The following GAB3 variants were observed in gnomAD, a reference collection of about 807,000 sequenced individuals.
GAB3 encodes GRB2 associated binding protein 3, also known as GRB2-associated-binding protein 3.
Under a neutral mutation model 40.4 loss-of-function variants are expected in GAB3, and 12 were observed. That is an observed-to-expected ratio of 0.30 (90% confidence interval 0.19 to 0.48). The LOEUF (loss-of-function observed/expected upper bound fraction) is 0.48, where lower values mean the gene tolerates loss of function less well. Ranked by LOEUF, GAB3 falls within the 20% of genes least tolerant of loss-of-function variation. GAB3 has a pLI of 0.99. For missense variants in GAB3, 381 were observed against 461.9 expected, an observed-to-expected ratio of 0.82 and a Z score of 1.61; for synonymous variants, 154 against 176.7, an observed-to-expected ratio of 0.87 and a Z score of 1.02.
chrX:154,693,789 T>C (rs929158616), intron 8 of GAB3, among the ~76,000 whole-genome samples: 7 of 111,995 alleles, frequency 6.3e-5, no homozygotes, highest in Non-Finnish European at 1.3e-4. Flanking sequence ...AAAAAATTAA[T>C]GTGAGATTTA....
At chrX:154,713,556 C>A in intron 2 of GAB3, 130 bp from the exon 3 acceptor site, 1 of 492,791 alleles carries the variant, frequency 2.0e-6, no homozygotes, top group Non-Finnish European at 3.4e-6. Context: ...ATGGAGAAGA[C>A]CATTTCCCCA....
intron 1 of GAB3, among the ~76,000 whole-genome samples, chrX:154,748,120 C>T (rs1557262270): frequency 1.8e-5 from 2 of 111,625 alleles, no homozygotes; most frequent in African/African-American, 6.5e-5. Context: ...AAAATAGATG[C>T]AAGCCAAATG....
At chrX:154,740,760 G>T (rs1416835614) in intron 1 of GAB3, among the ~76,000 whole-genome samples, 4 of 112,061 alleles carry the variant, frequency 3.6e-5, no homozygotes, top group Non-Finnish European at 7.5e-5. Context: ...TAACAGGAAA[G>T]AATTAAAGTA....
chrX:154,751,448 G>A, upstream of GAB3: 1 of 687,610 alleles, frequency 1.5e-6, no homozygotes, highest in Non-Finnish European at 1.7e-6. Flanking sequence ...AAACGGGCTG[G>A]TCCCTGGGTC....
chrX:154,719,011 A>G (rs1322940721), intron 1 of GAB3, among the ~76,000 whole-genome samples: 2 of 111,850 alleles, frequency 1.8e-5, no homozygotes, highest in African/African-American at 6.5e-5. Context: ...TGAAGCTAGA[A>G]AAGGGGATTA....
At chrX:154,715,734 T>C (rs1176643509) in intron 2 of GAB3, among the ~76,000 whole-genome samples, 1 of 112,065 alleles carries the variant, frequency 8.9e-6, no homozygotes, top group African/African-American at 3.2e-5. Context: ...GACATCCTCA[T>C]CCACATTTGA....
chrX:154,742,818 G>A (rs1272305426), intron 1 of GAB3, among the ~76,000 whole-genome samples: 1 of 110,115 alleles, frequency 9.1e-6, no homozygotes, highest in Non-Finnish European at 1.9e-5. Context: ...GTTGCTGCCT[G>A]GGGCTAGAGA....
chrX:154,730,121 T>G (rs781812967), intron 1 of GAB3, among the ~76,000 whole-genome samples: 1 of 112,525 alleles, frequency 8.9e-6, no homozygotes, highest in African/African-American at 3.2e-5. Context: ...CTGTCAAAGT[T>G]ATTTCCTCTG....
At chrX:154,696,629 C>T (rs893655717) in intron 7 of GAB3, among the ~76,000 whole-genome samples, 5 of 112,259 alleles carry the variant, frequency 4.5e-5, no homozygotes, top group Admixed American at 1.9e-4. Context: ...CTACCCAGCC[C>T]GTGAACCTGG....
intron 5 of GAB3, 102 bp from the exon 6 acceptor site, chrX:154,699,615 C>T: frequency 1.5e-6 from 1 of 650,385 alleles, no homozygotes; most frequent in Admixed American, 3.6e-5. Flanking sequence ...CCAAATTATC[C>T]AAGTATAACT....
At chrX:154,688,223 G>A (rs965264532) in intron 8 of GAB3, among the ~76,000 whole-genome samples, 9 of 110,913 alleles carry the variant, frequency 8.1e-5, no homozygotes, top group Non-Finnish European at 1.1e-4. Flanking sequence ...CTCCAGATAC[G>A]GAGAAAATAT....
chrX:154,749,717 T>A lies in GAB3; in HGVS notation c.72+1237A>T, dbSNP rs918103654. Among the ~76,000 whole-genome samples the A allele has an allele frequency of 4.3e-4, 48 of 112,269 alleles. 1 individual carries two copies. The Admixed American group carries it at 4.5e-3, about 11-fold the overall frequency. On this transcript the variant is annotated intron_variant, in intron 1 of 9. Coordinates refer to ENST00000424127, the MANE Select transcript of GAB3 (RefSeq NM_001081573.3). ...TTCTGCAGAACAAACAACAAAAATCTTTTCAAAGACCCCTAAGAGAGAAAC... is the reference window on the plus strand; with the variant it reads ...TTCTGCAGAACAAACAACAAAAATCATTTCAAAGACCCCTAAGAGAGAAAC...
At chrX:154,737,819 G>A (rs1022937655) in intron 1 of GAB3, among the ~76,000 whole-genome samples, 3 of 111,206 alleles carry the variant, frequency 2.7e-5, no homozygotes, top group African/African-American at 6.6e-5. Flanking sequence ...GTGAAGCCCC[G>A]TCTCTACTAA....
At chrX:154,732,380 G>A (rs2071304269) in intron 1 of GAB3, among the ~76,000 whole-genome samples, 1 of 111,849 alleles carries the variant, frequency 8.9e-6, no homozygotes, top group Non-Finnish European at 1.9e-5. Flanking sequence ...ACTGAAGAAA[G>A]TCTTTCTCAA....
chrX:154,709,059 G>C (rs2070865549), intron 4 of GAB3, among the ~76,000 whole-genome samples: 1 of 110,895 alleles, frequency 9.0e-6, no homozygotes, highest in Non-Finnish European at 1.9e-5. Flanking sequence ...GTTTCTAATG[G>C]TTCAGCACCA....
At chrX:154,725,923 AAAG>A (rs2071206167) in intron 1 of GAB3, among the ~76,000 whole-genome samples, 1 of 111,761 alleles carries the variant, frequency 8.9e-6, no homozygotes, top group South Asian at 3.7e-4. Flanking sequence ...GAAAGCTTAA[AAAG>A]AAGGCTTGGA....
chrX:154,685,801 C>T (rs2070440640), intron 8 of GAB3, among the ~76,000 whole-genome samples: 1 of 111,435 alleles, frequency 9.0e-6, no homozygotes, highest in South Asian at 3.7e-4. Flanking sequence ...ATGGCACTGC[C>T]GAATTGTCAG....
chrX:154,722,623 G>C (rs1281165847), intron 1 of GAB3, among the ~76,000 whole-genome samples: 5 of 111,982 alleles, frequency 4.5e-5, no homozygotes, highest in African/African-American at 1.6e-4. Flanking sequence ...AGGGACAGAG[G>C]AGATATCTAT....
At position 154,723,332 on chromosome X, in the gene GAB3, C is replaced by T. The variant is rs185099121; in HGVS notation, c.73-7003G>A. 7.1e-5 allele frequency among the ~76,000 whole-genome samples: 8 copies of T among 111,955 alleles called. No individual in the cohort carries two copies. The East Asian group carries it at 1.7e-3, about 23-fold the overall frequency. On this transcript the variant is annotated intron_variant, in intron 1 of 9. Coordinates refer to ENST00000424127, the MANE Select transcript of GAB3 (RefSeq NM_001081573.3). Reference sequence around the variant, plus strand: ...AGGGTGCTATGTTTATCAGGGAGTTCGTAAGCTCACAGGATGAGGAAGGAA... The same window carrying T: ...AGGGTGCTATGTTTATCAGGGAGTTTGTAAGCTCACAGGATGAGGAAGGAA...
Sources: allele counts gnomAD v4.1 joint callset (sites outside exome capture counted in the v4.1 genomes callset), GRCh38; gene constraint gnomAD v4.1.1; transcripts MANE v1.5; gene names NCBI Gene and HGNC (gene_info 2026-07-23, HGNC 2026-07-21).